Variants in PDE6A observed in about 807,000 individuals in gnomAD.
The protein encoded by PDE6A is rod cGMP-specific 3',5'-cyclic phosphodiesterase subunit alpha.
Under a neutral mutation model 106.3 loss-of-function variants are expected in PDE6A, and 84 were observed. The ratio of observed to expected loss-of-function variants is 0.79; its 90% CI spans 0.66 to 0.95. The LOEUF is 0.95. Ranked by LOEUF, PDE6A falls within the 40% of genes least tolerant of loss-of-function variation. PDE6A has a pLI of 0.00. For missense variants in PDE6A, 1,052 were observed against 1,084.9 expected (o/e 0.97, Z 0.43); for synonymous variants, 394 against 386.6 (o/e 1.02, Z -0.23).
Position 149,867,814 on chromosome 5 carries a change from C to G in PDE6A, c.2200-15G>C. 1 of 1,610,920 alleles carries G rather than the reference C, an allele frequency of 6.2e-7. No individual in the cohort carries two copies. Among genetic ancestry groups the G allele is most frequent in the East Asian group, 2.2e-5 (1 of 44,846 alleles). On this transcript the variant is annotated splice_polypyrimidine_tract_variant and intron_variant, in intron 18 of 21. Coordinates refer to ENST00000255266, the MANE Select transcript of PDE6A (RefSeq NM_000440.3). ...AGCAGAGCTACCTGCAACAGACAGACCCTCACACACGCAGAGTCAGAGCCC... is the reference window on the plus strand; with the variant it reads ...AGCAGAGCTACCTGCAACAGACAGAGCCTCACACACGCAGAGTCAGAGCCC...
rs1041422721 is a variant in PDE6A, at chr5:149,859,195, T to C, written c.*1700A>G. On this transcript the variant is annotated 3_prime_UTR_variant, in exon 22 of 22. Transcript: ENST00000255266. ...ACAGAAGTTCTGGAATTGAGAATAA[T>C]CTGACTTAATTTATACTCTGTGAAA... 6.6e-6 allele frequency: 1 copy of C among 152,216 alleles called. No individual in the cohort carries two copies. The highest frequency in any genetic ancestry group is 1.5e-5 in the Non-Finnish European group (1 of 68,030). 9.4% of individuals were successfully genotyped at this position (152,216 alleles called of 1,614,324 possible).
At chr5:149,862,502 T>C (rs1480174344) in intron 21 of PDE6A, among the ~76,000 whole-genome samples, 3 of 152,196 alleles carry the variant, frequency 2.0e-5, no homozygotes, top group African/African-American at 7.2e-5. Flanking sequence ...CTTATGCCTG[T>C]AATCCCAACA....
chr5:149,920,948 A>AAGAG (rs70973554), intron 5 of PDE6A, among the ~76,000 whole-genome samples: 1 of 117,402 alleles, frequency 8.5e-6, no homozygotes, highest in South Asian at 2.6e-4. Flanking sequence ...GAGAAAAAGA[A>AAGAG]AGAAAGAAAG....
intron 5 of PDE6A, among the ~76,000 whole-genome samples, chr5:149,921,344 CAGGAAGGA>C (rs369732532): frequency 2.0e-5 from 3 of 150,572 alleles, no homozygotes; most frequent in African/African-American, 7.3e-5. Flanking sequence ...GGCAGGAAGG[CAGGAAGGA>C]AGGAAGGAAG....
At chr5:149,892,895 T>C (rs536527512) in intron 13 of PDE6A, among the ~76,000 whole-genome samples, 105 of 152,350 alleles carry the variant, frequency 6.9e-4, no homozygotes, top group African/African-American at 2.4e-3. Flanking sequence ...ACTGAATCAA[T>C]TGGATTGCCT....
intron 1 of PDE6A, among the ~76,000 whole-genome samples, chr5:149,942,022 C>T (rs751695647): frequency 7.2e-5 from 11 of 152,150 alleles, no homozygotes; most frequent in East Asian, 1.9e-4. Flanking sequence ...AGTGCAATGG[C>T]GCAATCATGG....
chr5:149,943,044 C>T lies in PDE6A; in HGVS notation c.474+1156G>A, dbSNP rs183967604. 2.0e-4 allele frequency among the ~76,000 whole-genome samples: 31 copies of T among 151,872 alleles called. No individual in the cohort carries two copies. In the East Asian group the frequency reaches 5.1e-3, roughly 25 times the overall value. ...AATCCTCCTCAGCATAGACCCTTTA[C>T]GGGTGTTGGGCTGGGGGATGGTCAG... On this transcript the variant is annotated intron_variant, in intron 1 of 21. Transcript: ENST00000255266.
rs778443310 is a variant in PDE6A, at chr5:149,858,164, C to G, written c.*2731G>C. ...GTGAGGTGATGGATATATTAATTAG[C>G]TTAATTATGGTAACCATTTCACAAT... On this transcript the variant is annotated 3_prime_UTR_variant, in exon 22 of 22. Transcript: ENST00000255266. 6.6e-6 allele frequency: 1 copy of G among 152,118 alleles called. No individual in the cohort carries two copies. The highest frequency in any genetic ancestry group is 1.5e-5 in the Non-Finnish European group (1 of 68,034). The allele number at this position is 152,118 out of a possible 1,614,324, so 9.4% of individuals were successfully genotyped here.
chr5:149,870,507 T>C (rs1254884199), intron 17 of PDE6A, among the ~76,000 whole-genome samples: 2 of 152,282 alleles, frequency 1.3e-5, no homozygotes, highest in Middle Eastern at 6.8e-3. Context: ...TTTCTTTAGC[T>C]GGAGGGATCA....
chr5:149,865,917 T>C lies in PDE6A; in HGVS notation c.2358+253A>G, dbSNP rs375708157. On this transcript the variant is annotated intron_variant, in intron 20 of 21. Coordinates refer to ENST00000255266, the MANE Select transcript of PDE6A (RefSeq NM_000440.3). ...GTCTACTATGTTTCCCCTTCCTCTG[T>C]GAATCCATGCTTAGTCATTTGCCCC... is the stretch of plus-strand genomic sequence containing the variant. Among the ~76,000 whole-genome samples, 9 of 152,348 alleles carry C rather than the reference T, an allele frequency of 5.9e-5. No homozygotes were observed. In the South Asian group the frequency reaches 1.9e-3, roughly 32 times the overall value.
At chr5:149,896,121 T>C (rs1752740968) in intron 12 of PDE6A, among the ~76,000 whole-genome samples, 1 of 152,116 alleles carries the variant, frequency 6.6e-6, no homozygotes, top group Admixed American at 6.6e-5. Flanking sequence ...GCTTAGTACC[T>C]CAGAACCCAC....
chr5:149,923,962 A>G (rs1303282383), intron 4 of PDE6A, among the ~76,000 whole-genome samples: 2 of 152,218 alleles, frequency 1.3e-5, no homozygotes, highest in African/African-American at 4.8e-5. Flanking sequence ...GGGAAGCCAC[A>G]TGAAATGCAG....
chr5:149,886,212 A>C, intron 14 of PDE6A, 53 bp downstream of exon 14: 9 of 1,316,964 alleles, frequency 6.8e-6, no homozygotes, highest in East Asian at 2.3e-5. Flanking sequence ...GGAGCCACAC[A>C]GAGCTGGATA....
At chr5:149,866,062 A>C (rs1422233054) in intron 20 of PDE6A, 108 bp downstream of exon 20, 22 of 790,260 alleles carry the variant, frequency 2.8e-5, no homozygotes, top group Non-Finnish European at 4.3e-5. Flanking sequence ...GCGCTTTGTA[A>C]AGTATCACCC....
In PDE6A at chr5:149,934,682, C is replaced by A. The variant is rs1008063308; in HGVS notation, c.511G>T (p.Glu171Ter). ...HFCDFVDILT[E>*]YKTKNILASP... ...GCCAAGATGTTCTTGGTCTTGTACT[C>A]TGTGAGGATGTCCACAAAGTCACAG... Residue 171 changes from glutamate (E) to a stop codon, truncating the protein, a stop_gained, in exon 2 of 22, where the codon GAG becomes TAG. Transcript: ENST00000255266. LOFTEE classifies it high-confidence loss of function. The A allele has an allele frequency of 1.9e-6, 3 of 1,613,954 alleles. No individual in the cohort carries two copies. In the African/African-American group the frequency reaches 4.0e-5, roughly 22 times the overall value.
rs200781025 is a variant in PDE6A at position 149,895,176 on chromosome 5, G to T, written c.1728+7C>A. The T allele has an allele frequency of 1.3e-6, 2 of 1,598,286 alleles. No homozygotes were observed. The highest frequency in any genetic ancestry group is 4.5e-5 in the East Asian group (2 of 44,812). On this transcript the variant is annotated splice_region_variant and intron_variant, in intron 13 of 21. Coordinates refer to ENST00000255266, the MANE Select transcript of PDE6A (RefSeq NM_000440.3). ...CCACCCTACCAGCCCCACCGGCCCC[G>T]CCATACCACCAGCAGGGAGAACATG...
intron 5 of PDE6A, among the ~76,000 whole-genome samples, chr5:149,915,504 C>T (rs1753523876): frequency 4.6e-5 from 7 of 152,154 alleles, no homozygotes; most frequent in Admixed American, 4.6e-4. Context: ...AAACTCCCTC[C>T]AAGGATGTGC....
chr5:149,944,004 T>C (rs1754397447), intron 1 of PDE6A, among the ~76,000 whole-genome samples, 196 bp downstream of exon 1: 1 of 152,210 alleles, frequency 6.6e-6, no homozygotes, highest in Non-Finnish European at 1.5e-5. Context: ...GTTCTCTGTA[T>C]TATTTCAAAC....
rs148938083 is a variant in PDE6A, at chr5:149,931,102, C to T, written c.784G>A (p.Ala262Thr). The change falls in exon 4 of 22, where the codon GCC becomes ACC. Residue 262 changes from alanine to threonine, a missense_variant. This residue lies in a region of PDE6A where 913 missense variants were observed against 915.2 expected (regional missense o/e 1.00). Coordinates refer to ENST00000255266, the MANE Select transcript of PDE6A (RefSeq NM_000440.3). ...AGGAAAGCACGGACTGTGTACAGGG[C>T]TTTGTGGAACTGTCGTTCGATGTCC... ...LTDIERQFHK[A>T]LYTVRAFLNC... 8.4e-4 allele frequency: 1,357 copies of T among 1,614,108 alleles called. 1 individual carries two copies. Among genetic ancestry groups the T allele is most frequent in the Non-Finnish European group, 1.0e-3 (1,203 of 1,179,962 alleles).
Sources: allele counts gnomAD v4.1 joint callset (sites outside exome capture counted in the v4.1 genomes callset), GRCh38; gene constraint gnomAD v4.1.1; regional missense constraint gnomAD v4.1.1; transcripts MANE v1.5; gene names NCBI Gene and HGNC (gene_info 2026-07-23, HGNC 2026-07-21).